Variants in TMEM131L observed in about 807,000 individuals in gnomAD.
TMEM131L encodes the protein transmembrane 131 like.
Under a neutral mutation model 192.2 loss-of-function variants are expected in TMEM131L, and 54 were observed. The observed-to-expected ratio is 0.28, with a 90% CI of 0.23 to 0.35. The LOEUF is 0.35. TMEM131L is among the 10% of genes least tolerant of loss of function. TMEM131L has a pLI of 1.00. For missense variants in TMEM131L, 1,888 were observed against 1,972.9 expected, an observed-to-expected ratio of 0.96 and a Z score of 0.82; for synonymous variants, 701 against 704.9, an observed-to-expected ratio of 0.99 and a Z score of 0.09.
Position 153,555,092 on chromosome 4 carries a change from T to C in TMEM131L, c.309-695T>C, listed in dbSNP as rs929588304. ...GTGGAGGGAAGAGCCAGAGCTTTCA[T>C]CAGAGTTTTTGGAAAGGCTCATAAT... is the stretch of plus-strand genomic sequence containing the variant. On this transcript the variant is annotated intron_variant, in intron 4 of 34. Transcript: ENST00000409959. The surrounding 1 kb of genome is among the most constrained non-coding windows in gnomAD (Gnocchi z 4.1). Among the ~76,000 whole-genome samples the C allele has an allele frequency of 2.0e-5, 3 of 152,232 alleles. No individual in the cohort carries two copies. Among genetic ancestry groups the C allele is most frequent in the African/African-American group, 7.2e-5 (3 of 41,462 alleles).
intron 3 of TMEM131L, among the ~76,000 whole-genome samples, chr4:153,489,512 C>G (rs1732613649): frequency 6.6e-6 from 1 of 152,188 alleles, no homozygotes; most frequent in African/African-American, 2.4e-5. Context: ...GAGTCTCACT[C>G]TCTCACTCAG....
chr4:153,506,285 G>T (rs575660661), intron 3 of TMEM131L, among the ~76,000 whole-genome samples: 274 of 152,262 alleles, frequency 1.8e-3, no homozygotes, highest in African/African-American at 6.3e-3. Flanking sequence ...AGATCGTATG[G>T]TTTACGGGGA....
At chr4:153,591,776 T>C (rs888576849) in intron 17 of TMEM131L, among the ~76,000 whole-genome samples, 2 of 152,224 alleles carry the variant, frequency 1.3e-5, no homozygotes, top group Non-Finnish European at 2.9e-5. Flanking sequence ...GATGACATCC[T>C]TAGGCTGTTT....
chr4:153,549,918 A>G (rs1345792736), intron 3 of TMEM131L, among the ~76,000 whole-genome samples, 155 bp from the exon 4 acceptor site: 1 of 152,274 alleles, frequency 6.6e-6, no homozygotes, highest in African/African-American at 2.4e-5. Context: ...CTCTAGAATT[A>G]TACCAGACTT....
intron 2 of TMEM131L, among the ~76,000 whole-genome samples, 196 bp downstream of exon 2, chr4:153,467,477 C>A (rs759880118): frequency 3.3e-5 from 5 of 152,236 alleles, no homozygotes; most frequent in Non-Finnish European, 5.9e-5. Context: ...TGTGACAGGG[C>A]CTGAGGCAGG....
chr4:153,582,420 G>GT lies in TMEM131L; in HGVS notation c.893-761dup, dbSNP rs1216119441. Among the ~76,000 whole-genome samples, 118 of 81,758 alleles carry GT rather than the reference G, an allele frequency of 1.4e-3. 5 individuals carry two copies. The highest frequency in any genetic ancestry group is 3.8e-3 in the African/African-American group (69 of 18,242). The allele number at this position is 81,758 out of a possible 152,430, so 53.6% of individuals were successfully genotyped here. ...CCACTATGCCTGGCTAATTTAAACCGTTTTTTTTTGTTGTTTTTTTTTTTT... is the reference window on the plus strand; with the variant it reads ...CCACTATGCCTGGCTAATTTAAACCGTTTTTTTTTTGTTGTTTTTTTTTTTT... On this transcript the variant is annotated intron_variant, in intron 9 of 34. Transcript: ENST00000409959.
intron 3 of TMEM131L, among the ~76,000 whole-genome samples, chr4:153,499,855 A>T (rs1168004006): frequency 6.6e-6 from 1 of 152,070 alleles, no homozygotes; most frequent in East Asian, 1.9e-4. Flanking sequence ...TCTGATTTTG[A>T]CTTCACATTT....
intron 7 of TMEM131L, among the ~76,000 whole-genome samples, chr4:153,572,151 G>A (rs763846186): frequency 2.6e-5 from 4 of 152,030 alleles, no homozygotes; most frequent in South Asian, 2.1e-4. Context: ...GGTAATTAGC[G>A]TATTATCACC....
At chr4:153,493,217 G>A (rs909999070) in intron 3 of TMEM131L, among the ~76,000 whole-genome samples, 9 of 151,368 alleles carry the variant, frequency 5.9e-5, no homozygotes, top group Non-Finnish European at 1.2e-4. Flanking sequence ...GTGGTGGCAG[G>A]CGCCTGTAGT....
chr4:153,620,825 A>C lies in TMEM131L; in HGVS notation c.3637A>C (p.Ser1213Arg). Residue 1213 changes from serine (S) to arginine (R), a missense_variant, in exon 27 of 35, where the codon AGT (serine) becomes CGT (arginine). Transcript: ENST00000409959. ...AGGAAATTTACAAAATTTAAATTGG[A>C]GTAAAAGTCGAACATGTAGAAAGAA... ...REGNLQNLNW[S>R]KSRTCRKNKK... is the part of the protein sequence containing the mutation. The C allele has an allele frequency of 6.2e-7, 1 of 1,600,696 alleles. No homozygotes were observed. The highest frequency in any genetic ancestry group is 8.5e-7 in the Non-Finnish European group (1 of 1,174,078).
At chr4:153,588,751 A>G in intron 15 of TMEM131L, 139 bp from the exon 16 acceptor site, 1 of 566,678 alleles carries the variant, frequency 1.8e-6, no homozygotes, top group South Asian at 2.3e-5. Context: ...TTAATAAATA[A>G]GCAGCAGAGA....
At chr4:153,576,390 C>T (rs896051357) in intron 7 of TMEM131L, among the ~76,000 whole-genome samples, 3 of 152,032 alleles carry the variant, frequency 2.0e-5, no homozygotes, top group Non-Finnish European at 4.4e-5. Flanking sequence ...TGTCCTACAA[C>T]AAAAGAAACA....
chr4:153,470,607 C>A (rs149296184), intron 2 of TMEM131L, among the ~76,000 whole-genome samples: 7 of 152,338 alleles, frequency 4.6e-5, no homozygotes, highest in African/African-American at 1.7e-4. Context: ...ACACTGAATG[C>A]AAAGTGGTGA....
At chr4:153,615,213 A>G (rs1732894631) in intron 26 of TMEM131L, among the ~76,000 whole-genome samples, 1 of 152,262 alleles carries the variant, frequency 6.6e-6, no homozygotes. Context: ...TAAATGGGCT[A>G]ATTGAGAATT....
intron 3 of TMEM131L, among the ~76,000 whole-genome samples, chr4:153,482,809 CACTGTTCTCT>C (rs1322709886): frequency 6.6e-6 from 1 of 152,032 alleles, no homozygotes; most frequent in Non-Finnish European, 1.5e-5. Context: ...ATGTTGCCCA[CACTGTTCTCT>C]AACTCAAGCA....
intron 3 of TMEM131L, among the ~76,000 whole-genome samples, chr4:153,545,655 T>C (rs1236122855): frequency 6.6e-6 from 1 of 152,148 alleles, no homozygotes; most frequent in Non-Finnish European, 1.5e-5. Flanking sequence ...ATTTTTTTCT[T>C]TTAAAAGATA....
intron 4 of TMEM131L, among the ~76,000 whole-genome samples, chr4:153,552,146 G>C (rs1309886950): frequency 1.3e-5 from 2 of 152,112 alleles, no homozygotes; most frequent in Non-Finnish European, 2.9e-5. Context: ...AGAGGCAGAG[G>C]TTGCAGTGAG....
At chr4:153,584,437 A>C (rs1209491220) in intron 11 of TMEM131L, among the ~76,000 whole-genome samples, 1 of 152,258 alleles carries the variant, frequency 6.6e-6, no homozygotes, top group Non-Finnish European at 1.5e-5. Flanking sequence ...TCAATATTAT[A>C]ACCTAATCAA....
chr4:153,579,390 C>T (rs1730182580), intron 7 of TMEM131L, among the ~76,000 whole-genome samples: 1 of 152,108 alleles, frequency 6.6e-6, no homozygotes, highest in African/African-American at 2.4e-5. Flanking sequence ...TCATATTATT[C>T]TATTTAAGAA....
Sources: gnomAD v4.1 joint callset for allele counts (sites outside exome capture counted in the v4.1 genomes callset) on GRCh38, gnomAD v4.1.1 for gene constraint, Gnocchi (gnomAD v3.1) non-coding constraint, MANE v1.5 for transcripts, NCBI Gene and HGNC (gene_info 2026-07-23, HGNC 2026-07-21) for gene names.